The following NLRP12 variants were observed in gnomAD, a reference collection of about 807,000 sequenced individuals.
The protein encoded by NLRP12 is NACHT, LRR and PYD domains-containing protein 12.
In NLRP12, 108 loss-of-function variants were observed where a neutral mutation model predicts 91.2. The ratio of observed to expected loss-of-function variants is 1.18; its 90% CI spans 1.01 to 1.39. The LOEUF is 1.39. Among genes scored for constraint, NLRP12 ranks in the 40% most tolerant of loss-of-function variants. The pLI is 0.00. For synonymous variants in NLRP12, 613 were observed against 566.7 expected, an observed-to-expected ratio of 1.08 and a Z score of -1.16; for missense variants, 1,530 against 1,352.7, an observed-to-expected ratio of 1.13 and a Z score of -2.06.
chr19:53,823,895 G>C lies in NLRP12; in HGVS notation c.280C>G (p.Leu94Val). ...CCCGCCACCTCCTTACCCCTCACCAGGTCCTCTCTCTGTCCTCTCTCCCAC... is the reference window on the plus strand; with the variant it reads ...CCCGCCACCTCCTTACCCCTCACCACGTCCTCTCTCTGTCCTCTCTCCCAC... ...DLWERGQRED[L>V]VRDTPPGGPS... The change falls in exon 1 of 10, where the codon CTG becomes GTG. Residue 94 changes from leucine (L) to valine (V), a missense_variant. Leu to Val is a conservative substitution (Grantham distance 32). Coordinates refer to ENST00000324134, the MANE Select transcript of NLRP12 (RefSeq NM_144687.4). 6.2e-7 allele frequency: 1 copy of C among 1,613,872 alleles called. No individual in the cohort carries two copies. The highest frequency in any genetic ancestry group is 8.5e-7 in the Non-Finnish European group (1 of 1,179,990).
chr19:53,806,978 C>G (rs1047349404), intron 4 of NLRP12, among the ~76,000 whole-genome samples: 1 of 152,094 alleles, frequency 6.6e-6, no homozygotes, highest in Non-Finnish European at 1.5e-5. Flanking sequence ...CTCAGAAGAA[C>G]TTAACCTGCC....
At chr19:53,815,956 G>A (rs1344523481) in intron 1 of NLRP12, among the ~76,000 whole-genome samples, 7 of 146,962 alleles carry the variant, frequency 4.8e-5, no homozygotes, top group Admixed American at 4.1e-4. Flanking sequence ...TTTTTTGGTA[G>A]AGATTAGGTC....
chr19:53,805,732 G>T, intron 4 of NLRP12: 2 of 422,292 alleles, frequency 4.7e-6, no homozygotes, highest in South Asian at 2.0e-5. Flanking sequence ...TGGCCAGGCT[G>T]GTCTTGAACT....
chr19:53,807,692 T>C (rs1437578376), intron 3 of NLRP12, 27 bp from the exon 4 acceptor site: 4 of 1,613,582 alleles, frequency 2.5e-6, no homozygotes, highest in Non-Finnish European at 3.4e-6. Flanking sequence ...CAGGCCACTC[T>C]CTGGTGTTAC....
chr19:53,795,573 G>A (rs78228448), intron 9 of NLRP12, among the ~76,000 whole-genome samples: 79,161 of 147,506 alleles, frequency 0.54, 21,642 homozygotes, highest in South Asian at 0.62. Flanking sequence ...ACGGGGTTTC[G>A]CCATTTTAGC....
At chr19:53,798,741 A>T (rs576123274) in intron 7 of NLRP12, among the ~76,000 whole-genome samples, 1 of 152,108 alleles carries the variant, frequency 6.6e-6, no homozygotes. Context: ...TGTACAAAAA[A>T]AAATTTTTTT....
chr19:53,804,227 C>G, intron 5 of NLRP12, 105 bp from the exon 6 acceptor site: 1 of 1,312,984 alleles, frequency 7.6e-7, no homozygotes, highest in Non-Finnish European at 1.1e-6. Flanking sequence ...GGTTGTTGCT[C>G]TGTCACCCAG....
At chr19:53,808,871 C>A (rs1324530338) in intron 3 of NLRP12, among the ~76,000 whole-genome samples, 1 of 151,972 alleles carries the variant, frequency 6.6e-6, no homozygotes, top group Admixed American at 6.6e-5. Flanking sequence ...CACTAGATGT[C>A]AGTAGTATTA....
chr19:53,799,567 T>A (rs2091832596), intron 7 of NLRP12, among the ~76,000 whole-genome samples: 1 of 151,994 alleles, frequency 6.6e-6, no homozygotes, highest in East Asian at 2.0e-4. Context: ...CACTGCAACC[T>A]CCGGCTCCCG....
chr19:53,813,135 CCT>C (rs1387709904), intron 2 of NLRP12, among the ~76,000 whole-genome samples: 1 of 151,806 alleles, frequency 6.6e-6, no homozygotes, highest in Non-Finnish European at 1.5e-5. Context: ...CCCGCCTCGG[CCT>C]CTCAAAGTGC....
At position 53,819,206 on chromosome 19, in the gene NLRP12, A is replaced by T. The variant is rs529027102; in HGVS notation, c.290-4218T>A. 2.6e-5 allele frequency among the ~76,000 whole-genome samples: 4 copies of T among 151,982 alleles called. No homozygotes were observed. In the South Asian group the frequency reaches 8.3e-4, roughly 32 times the overall value. ...TATGTAACACTTCCATTTAGATATA[A>T]TTATACAATATGACAAGTAAGTAAA... On this transcript the variant is annotated intron_variant, in intron 1 of 9. Coordinates refer to ENST00000324134, the MANE Select transcript of NLRP12 (RefSeq NM_144687.4).
intron 2 of NLRP12, among the ~76,000 whole-genome samples, chr19:53,813,147 CTGGAATTACAGACGTG>C: frequency 1.3e-5 from 2 of 151,924 alleles, no homozygotes; most frequent in African/African-American, 4.8e-5. Flanking sequence ...TCTCAAAGTG[CTGGAATTACAGACGTG>C]AGCCACTGTG....
intron 1 of NLRP12, among the ~76,000 whole-genome samples, chr19:53,823,626 G>A (rs977427815): frequency 2.7e-5 from 4 of 150,818 alleles, no homozygotes; most frequent in South Asian, 2.1e-4. Context: ...ATAGCTCACC[G>A]CAGCCTCGAC....
At chr19:53,809,563 A>AG (rs1185241120) in intron 3 of NLRP12, 24 bp downstream of exon 3, 1 of 1,234,932 alleles carries the variant, frequency 8.1e-7, no homozygotes, top group Non-Finnish European at 1.2e-6. Context: ...AAGCAGCCCC[A>AG]GGGGATACCC....
chr19:53,811,252 T>C lies in NLRP12; in HGVS notation c.407A>G (p.Lys136Arg), dbSNP rs151127355. ...ATTGCGGTCTTCCATGAGCCGGAAT[T>C]TCCTGCGGACATAGTCCCTGTAGGT... Reference protein sequence around the residue: ...QETYRDYVRRKFRLMEDRNAR... With the variant: ...QETYRDYVRRRFRLMEDRNAR... Residue 136 changes from lysine to arginine, a missense_variant, in exon 3 of 10, where the codon AAA (lysine) becomes AGA (arginine). Lys to Arg is a conservative substitution (Grantham distance 26). Transcript: ENST00000324134. The C allele has an allele frequency of 2.8e-5, 45 of 1,613,896 alleles. No homozygotes were observed. The highest frequency in any genetic ancestry group is 3.7e-5 in the Non-Finnish European group (44 of 1,180,030).
chr19:53,818,787 C>T (rs1181543281), intron 1 of NLRP12, among the ~76,000 whole-genome samples: 1 of 152,194 alleles, frequency 6.6e-6, no homozygotes, highest in East Asian at 1.9e-4. Flanking sequence ...CATCAAAATG[C>T]AGATTCCTGT....
intron 1 of NLRP12, among the ~76,000 whole-genome samples, chr19:53,820,403 A>G (rs1408675459): frequency 6.6e-6 from 1 of 151,888 alleles, no homozygotes; most frequent in African/African-American, 2.4e-5. Context: ...GGTGGCACGC[A>G]CCTGTAGTCC....
At chr19:53,823,519 C>CATATTTTAAAATAT (rs1437022631) in intron 1 of NLRP12, among the ~76,000 whole-genome samples, 10,135 of 37,220 alleles carry the variant, frequency 0.27, 1,949 homozygotes, top group African/African-American at 0.4. Context: ...ATATTTAAAA[C>CATATTTTAAAATAT]ATATATTTTA....
At position 53,809,774 on chromosome 19, in the gene NLRP12, C is replaced by T. The variant is rs1318728752; in HGVS notation, c.1885G>A (p.Ala629Thr). ...EIQEEEFIQQ[A>T]LSHFQVIVVS... Reference sequence around the variant, plus strand: ...ACGATCACCTGGAAGTGGCTCAGGGCCTGCTGGATAAACTCCTCCTCCTGG... The same window carrying T: ...ACGATCACCTGGAAGTGGCTCAGGGTCTGCTGGATAAACTCCTCCTCCTGG... The change falls in exon 3 of 10, where the codon GCC becomes ACC. Residue 629 changes from alanine (A) to threonine (T), a missense_variant. Coordinates refer to ENST00000324134, the MANE Select transcript of NLRP12 (RefSeq NM_144687.4). 6.2e-7 allele frequency: 1 copy of T among 1,614,134 alleles called. No individual in the cohort carries two copies. The highest frequency in any genetic ancestry group is 8.5e-7 in the Non-Finnish European group (1 of 1,180,030).
Sources: gnomAD v4.1 joint callset for allele counts (sites outside exome capture counted in the v4.1 genomes callset) on GRCh38, gnomAD v4.1.1 for gene constraint, MANE v1.5 for transcripts, NCBI Gene and HGNC (gene_info 2026-07-23, HGNC 2026-07-21) for gene names.